Variants in RBAK observed in about 807,000 individuals in gnomAD.
RBAK encodes RB-associated KRAB zinc finger protein.
RBAK carries 39 observed loss-of-function variants against 65.8 expected under a neutral mutation model. The observed-to-expected ratio is 0.59, with a 90% CI of 0.46 to 0.77. The LOEUF (loss-of-function observed/expected upper bound fraction) is 0.77. Ranked by LOEUF, RBAK falls within the 30% of genes least tolerant of loss-of-function variation. The probability of loss-of-function intolerance (pLI) is 0.00; values close to 1 mark genes in which losing one functional copy is unlikely to be tolerated. For synonymous variants in RBAK, 343 were observed against 289.7 expected (o/e 1.18, Z -1.87); for missense variants, 884 against 855.1 (o/e 1.03, Z -0.42).
chr7:5,054,260 C>A (rs967617054), intron 2 of RBAK, among the ~76,000 whole-genome samples: 4 of 152,056 alleles, frequency 2.6e-5, no homozygotes, highest in African/African-American at 9.7e-5. Flanking sequence ...CAAAAATTAG[C>A]CAGGCATGCT....
intron 1 of RBAK, among the ~76,000 whole-genome samples, chr7:5,046,857 T>G (rs1325270839): frequency 6.6e-6 from 1 of 152,136 alleles, no homozygotes; most frequent in Non-Finnish European, 1.5e-5. Context: ...GGTGGGTGAC[T>G]TGACCGGGTC....
chr7:5,067,238 AAAG>A lies in RBAK; in HGVS notation c.*1641_*1643del, dbSNP rs2115050433. 6.6e-6 allele frequency: 1 copy of A among 152,206 alleles called. No homozygotes were observed. Among genetic ancestry groups the A allele is most frequent in the East Asian group, 1.9e-4 (1 of 5,206 alleles). The allele number at this position is 152,206 out of a possible 1,614,324, so 9.4% of individuals were successfully genotyped here. ...AGAAACAAAAGGCATAGAGATTAGA[AAAG>A]AAGTAAAACTTTAAAAACGAAAAAG... On this transcript the variant is annotated 3_prime_UTR_variant, in exon 5 of 5. Transcript: ENST00000396912.
In RBAK at chr7:5,068,507, T is replaced by G. The variant is rs1051740426; in HGVS notation, c.*2906T>G. On this transcript the variant is annotated 3_prime_UTR_variant, in exon 5 of 5. Transcript: ENST00000396912. ...TATTAGTAATCAGGGAAATGCAAAC[T>G]TAAAACATGTAGCACTGCTACCCAT... The G allele has an allele frequency of 6.6e-6, 1 of 152,172 alleles. No homozygotes were observed. The highest frequency in any genetic ancestry group is 1.5e-5 in the Non-Finnish European group (1 of 68,032). The allele number at this position is 152,172 out of a possible 1,614,324, so 9.4% of individuals were successfully genotyped here.
chr7:5,058,815 C>T (rs1779000753), intron 4 of RBAK, among the ~76,000 whole-genome samples: 1 of 152,200 alleles, frequency 6.6e-6, no homozygotes, highest in African/African-American at 2.4e-5. Context: ...GACCTGTTTT[C>T]CACTTTTTTG....
chr7:5,064,599 C>G lies in RBAK; in HGVS notation c.1143C>G (p.Ser381=). ...RPYPCNECGK[S]FSRKSALSDH... is the part of the protein sequence containing the mutation. ...ATCCATGTAACGAATGTGGGAAATCCTTCTCCCGCAAGTCTGCTCTCAGTG... is the reference window on the plus strand; with the variant it reads ...ATCCATGTAACGAATGTGGGAAATCGTTCTCCCGCAAGTCTGCTCTCAGTG... Residue 381 remains serine (S), a synonymous_variant, in exon 5 of 5, where the codon TCC becomes TCG. Coordinates refer to ENST00000396912, the MANE Select transcript of RBAK (RefSeq NM_021163.4). This position sits in a 1 kb window ranked among gnomAD's most constrained non-coding sequence, Gnocchi z 6.3. 1 of 1,614,082 alleles carries G rather than the reference C, an allele frequency of 6.2e-7. No individual in the cohort carries two copies. The highest frequency in any genetic ancestry group is 8.5e-7 in the Non-Finnish European group (1 of 1,180,000).
At chr7:5,051,521 A>AGTTC (rs1440691252) in intron 2 of RBAK, among the ~76,000 whole-genome samples, 4 of 152,200 alleles carry the variant, frequency 2.6e-5, no homozygotes, top group African/African-American at 9.6e-5. Context: ...TCTAAACTGT[A>AGTTC]GTTCATTTTC....
At position 5,066,724 on chromosome 7, in the gene RBAK, T is replaced by G. The variant is rs1361331234; in HGVS notation, c.*1123T>G. 6.6e-6 allele frequency: 1 copy of G among 152,204 alleles called. No individual in the cohort carries two copies. The highest frequency in any genetic ancestry group is 1.5e-5 in the Non-Finnish European group (1 of 68,008). 9.4% of individuals were successfully genotyped at this position (152,204 alleles called of 1,614,324 possible). A position where few individuals can be genotyped will look rare whatever the true frequency, so the allele number is the denominator to read the frequency against. Reference sequence around the variant, plus strand: ...CGCTCCATTTCTTGCTGGAACAGTTTAGGTACCTACCACTTCTTCACATGA... The same window carrying G: ...CGCTCCATTTCTTGCTGGAACAGTTGAGGTACCTACCACTTCTTCACATGA... On this transcript the variant is annotated 3_prime_UTR_variant, in exon 5 of 5. Coordinates refer to ENST00000396912, the MANE Select transcript of RBAK (RefSeq NM_021163.4).
intron 2 of RBAK, among the ~76,000 whole-genome samples, chr7:5,053,535 A>G (rs867237127): frequency 2.0e-5 from 3 of 151,920 alleles, no homozygotes; most frequent in Admixed American, 6.6e-5. Flanking sequence ...TCACTTTGGG[A>G]ACATTTTTAT....
At position 5,048,056 on chromosome 7, in the gene RBAK, C is replaced by T. The variant is rs367614355; in HGVS notation, c.-21C>T. The stretch of plus-strand genomic sequence containing the variant: ...AGGTCTACCAGCCACAGTCTCTGCA[C>T]GTTTCCAAGAGCAGCAGAAAATGAA... On this transcript the variant is annotated 5_prime_UTR_variant, in exon 2 of 5. In the 5' UTR this introduces an upstream ATG that the reference lacks. Coordinates refer to ENST00000396912, the MANE Select transcript of RBAK (RefSeq NM_021163.4). This position sits in a 1 kb window ranked among gnomAD's most constrained non-coding sequence, Gnocchi z 4.4. 29 of 1,593,310 alleles carry T rather than the reference C, an allele frequency of 1.8e-5. No individual in the cohort carries two copies. The highest frequency in any genetic ancestry group is 2.3e-4 in the Middle Eastern group (1 of 4,348).
intron 1 of RBAK, among the ~76,000 whole-genome samples, chr7:5,047,804 C>T (rs529178788): frequency 5.4e-4 from 82 of 151,872 alleles, no homozygotes; most frequent in African/African-American, 1.8e-3. Flanking sequence ...GATGGGGTTT[C>T]GCCATATTGG....
At chr7:5,055,007 C>G (rs1445762421) in intron 2 of RBAK, among the ~76,000 whole-genome samples, 6 of 151,956 alleles carry the variant, frequency 3.9e-5, no homozygotes, top group Non-Finnish European at 8.8e-5. Flanking sequence ...GTCTTGAACT[C>G]CTGACCTCGG....
Position 5,063,932 on chromosome 7 carries a change from G to C in RBAK, c.476G>C (p.Arg159Thr). The C allele has an allele frequency of 6.2e-7, 1 of 1,613,980 alleles. No individual in the cohort carries two copies. Among genetic ancestry groups the C allele is most frequent in the Non-Finnish European group, 8.5e-7 (1 of 1,179,948 alleles). The change falls in exon 5 of 5, where the codon AGG (arginine) becomes ACG (threonine). Residue 159 changes from arginine to threonine, a missense_variant. Arg to Thr is a moderately conservative substitution (Grantham distance 71). Coordinates refer to ENST00000396912, the MANE Select transcript of RBAK (RefSeq NM_021163.4). ...QLISSDGSYA[R>T]TKPDECNECG... ...ATTAGTAGTGATGGAAGCTATGCTA[G>C]GACAAAACCTGATGAGTGTAATGAA...
chr7:5,063,798 A>G lies in RBAK; in HGVS notation c.342A>G (p.Lys114=), dbSNP rs1469222521. ...CINSKTLTEE[K]ENTFSQIYME... ...ATAGCAAAACCCTGACTGAAGAGAA[A>G]GAGAATACATTTAGTCAAATTTACA... is the stretch of plus-strand genomic sequence containing the variant. The change falls in exon 5 of 5, where the codon AAA becomes AAG. Residue 114 remains lysine, a synonymous_variant. Transcript: ENST00000396912. The G allele has an allele frequency of 1.5e-5, 24 of 1,613,872 alleles. No homozygotes were observed. The highest frequency in any genetic ancestry group is 1.9e-5 in the Non-Finnish European group (23 of 1,179,918).
At chr7:5,057,494 T>C (rs1778958192) in intron 3 of RBAK, 73 bp downstream of exon 3, 16 of 1,613,158 alleles carry the variant, frequency 9.9e-6, no homozygotes, top group South Asian at 2.2e-5. Flanking sequence ...AAATAAGTGA[T>C]GACACCATTT....
rs770892671 is a variant in RBAK, at chr7:5,063,802, A to G, written c.346A>G (p.Asn116Asp). ...NSKTLTEEKENTFSQIYMETS... is the reference protein window; with the variant it reads ...NSKTLTEEKEDTFSQIYMETS... Reference sequence around the variant, plus strand: ...CAAAACCCTGACTGAAGAGAAAGAGAATACATTTAGTCAAATTTACATGGA... The same window carrying G: ...CAAAACCCTGACTGAAGAGAAAGAGGATACATTTAGTCAAATTTACATGGA... The change falls in exon 5 of 5, where the codon AAT becomes GAT. Residue 116 changes from asparagine to aspartate, a missense_variant. Asn to Asp is a conservative substitution (Grantham distance 23). Coordinates refer to ENST00000396912, the MANE Select transcript of RBAK (RefSeq NM_021163.4). The G allele has an allele frequency of 1.2e-6, 2 of 1,613,998 alleles. No individual in the cohort carries two copies. Among genetic ancestry groups the G allele is most frequent in the South Asian group, 2.2e-5 (2 of 91,082 alleles).
At chr7:5,058,850 GTT>G (rs1182948956) in intron 4 of RBAK, among the ~76,000 whole-genome samples, 1 of 152,200 alleles carries the variant, frequency 6.6e-6, no homozygotes, top group African/African-American at 2.4e-5. Flanking sequence ...CCTTAAAAGA[GTT>G]TATCTAATCT....
chr7:5,047,302 G>C (rs150093634), intron 1 of RBAK, among the ~76,000 whole-genome samples: 172 of 152,282 alleles, frequency 1.1e-3, no homozygotes, highest in Non-Finnish European at 2.0e-3. Flanking sequence ...AGGAGGCTGA[G>C]GTGGGAGGAT....
At chr7:5,062,952 G>A in intron 4 of RBAK, among the ~76,000 whole-genome samples, 1 of 152,142 alleles carries the variant, frequency 6.6e-6, no homozygotes, top group African/African-American at 2.4e-5. Flanking sequence ...AAGGTGCCCA[G>A]ATTTCATATT....
intron 4 of RBAK, among the ~76,000 whole-genome samples, chr7:5,062,357 G>A (rs1293669394): frequency 1.3e-5 from 2 of 152,184 alleles, no homozygotes; most frequent in African/African-American, 4.8e-5. Context: ...GACATCACAT[G>A]TCGGTAGGTT....
Sources: gnomAD v4.1 joint callset for allele counts (sites outside exome capture counted in the v4.1 genomes callset) on GRCh38, gnomAD v4.1.1 for gene constraint, Gnocchi (gnomAD v3.1) non-coding constraint, MANE v1.5 for transcripts, NCBI Gene and HGNC (gene_info 2026-07-23, HGNC 2026-07-21) for gene names.